Variants in EEF1AKMT1 observed in about 807,000 individuals in gnomAD.
The protein encoded by EEF1AKMT1 is N-6 adenine-specific DNA methyltransferase 2 (putative).
EEF1AKMT1 carries 18 observed loss-of-function variants against 21.0 expected under a neutral mutation model. That is an observed-to-expected ratio of 0.86 (90% CI 0.59 to 1.27). The LOEUF (loss-of-function observed/expected upper bound fraction) is 1.27, where lower values mean the gene tolerates loss of function less well. Ranked by LOEUF, EEF1AKMT1 falls within the 50% of genes most tolerant of loss-of-function variation. The pLI is 0.00. For synonymous variants in EEF1AKMT1, 109 were observed against 94.8 expected, an observed-to-expected ratio of 1.15 and a Z score of -0.87; for missense variants, 246 against 258.6, an observed-to-expected ratio of 0.95 and a Z score of 0.33.
chr13:20,728,921 G>T lies in EEF1AKMT1; in HGVS notation c.*159C>A. 1 of 928,700 alleles carries T rather than the reference G, an allele frequency of 1.1e-6. No homozygotes were observed. The highest frequency in any genetic ancestry group is 1.6e-6 in the Non-Finnish European group (1 of 616,382). 57.5% of individuals were successfully genotyped at this position (928,700 alleles called of 1,614,324 possible). On this transcript the variant is annotated 3_prime_UTR_variant, in exon 5 of 5. Transcript: ENST00000382758. ...GAGCTCTAGGGACGCCCTCCCTAAG[G>T]AAACAATAATGAAGATCGCACACTT...
At position 20,765,419 on chromosome 13, in the gene EEF1AKMT1, T is replaced by TTTTG. The variant is rs2059024823; in HGVS notation, c.-19-7803_-19-7802insCAAA. On this transcript the variant is annotated intron_variant, in intron 1 of 4. Coordinates refer to ENST00000382758, the MANE Select transcript of EEF1AKMT1 (RefSeq NM_001318939.2). ...TCTTCCCTTGGGTTTTTTTTTTTTTTTTTTTTTTTTTGAGATAGAGTTTCA... is the reference window on the plus strand; with the variant it reads ...TCTTCCCTTGGGTTTTTTTTTTTTTTTTTGTTTTTTTTTTTGAGATAGAGTTTCA... Among the ~76,000 whole-genome samples the TTTTG allele has an allele frequency of 6.8e-5, 9 of 131,772 alleles. No individual in the cohort carries two copies. The East Asian group carries it at 7.3e-4, about 11-fold the overall frequency. The allele number at this position is 131,772 out of a possible 152,430, so 86.4% of individuals were successfully genotyped here.
At chr13:20,765,285 AACTAAATCCTT>A (rs1212301707) in intron 1 of EEF1AKMT1, among the ~76,000 whole-genome samples, 1 of 151,888 alleles carries the variant, frequency 6.6e-6, no homozygotes, top group Non-Finnish European at 1.5e-5. Flanking sequence ...TAAAAATAAA[AACTAAATCCTT>A]ACTGATAAGC....
intron 1 of EEF1AKMT1, among the ~76,000 whole-genome samples, chr13:20,766,339 A>G (rs371039768): frequency 1.3e-5 from 2 of 151,720 alleles, no homozygotes. Flanking sequence ...GAAAAAGAAA[A>G]AAAGAAACAT....
intron 1 of EEF1AKMT1, among the ~76,000 whole-genome samples, chr13:20,760,091 C>T (rs1173199798): frequency 8.8e-6 from 1 of 113,118 alleles, no homozygotes; most frequent in Non-Finnish European, 1.7e-5. Flanking sequence ...GGGAACAGAG[C>T]GAGACTCTGT....
chr13:20,744,313 C>T (rs562188125), intron 2 of EEF1AKMT1, among the ~76,000 whole-genome samples: 26 of 152,292 alleles, frequency 1.7e-4, no homozygotes, highest in African/African-American at 4.6e-4. Flanking sequence ...AGTGTAAAAG[C>T]ATTCCTATTT....
At chr13:20,732,599 C>CT (rs1214400335) in intron 3 of EEF1AKMT1, among the ~76,000 whole-genome samples, 4 of 152,164 alleles carry the variant, frequency 2.6e-5, no homozygotes, top group Non-Finnish European at 4.4e-5. Flanking sequence ...TCCCAAAGTG[C>CT]TGGGATTACA....
At chr13:20,751,062 A>G (rs573240160) in intron 2 of EEF1AKMT1, among the ~76,000 whole-genome samples, 11 of 152,244 alleles carry the variant, frequency 7.2e-5, no homozygotes, top group African/African-American at 2.6e-4. Flanking sequence ...AGTTTCTTAT[A>G]TATTCTAGAT....
At chr13:20,744,639 T>C (rs1057335676) in intron 2 of EEF1AKMT1, among the ~76,000 whole-genome samples, 1 of 152,220 alleles carries the variant, frequency 6.6e-6, no homozygotes, top group Non-Finnish European at 1.5e-5. Context: ...TAGGCTGCTG[T>C]TCACTCTGAC....
intron 4 of EEF1AKMT1, among the ~76,000 whole-genome samples, chr13:20,731,351 AG>A (rs1392421748): frequency 6.6e-6 from 1 of 152,222 alleles, no homozygotes; most frequent in Non-Finnish European, 1.5e-5. Flanking sequence ...TGTAAGTTCC[AG>A]CTACTTGGGA....
rs2058773815 is a variant in EEF1AKMT1, at chr13:20,728,865, G to A, written c.*215C>T. 3.4e-6 allele frequency: 2 copies of A among 582,250 alleles called. No homozygotes were observed. The highest frequency in any genetic ancestry group is 2.1e-5 in the South Asian group (1 of 48,196). 36.1% of individuals were successfully genotyped at this position (582,250 alleles called of 1,614,324 possible). On this transcript the variant is annotated 3_prime_UTR_variant, in exon 5 of 5. Coordinates refer to ENST00000382758, the MANE Select transcript of EEF1AKMT1 (RefSeq NM_001318939.2). ...CAGATTCTAAGGTTTCTTCCAACTC[G>A]AATTCCATGGATTCAGGTTGGCAGA...
chr13:20,769,794 A>C (rs2059054080), intron 1 of EEF1AKMT1, among the ~76,000 whole-genome samples: 1 of 149,600 alleles, frequency 6.7e-6, no homozygotes, highest in Non-Finnish European at 1.5e-5. Flanking sequence ...CATTCAAAGG[A>C]AAAAAAAAAT....
At chr13:20,759,887 G>A (rs1453624689) in intron 1 of EEF1AKMT1, among the ~76,000 whole-genome samples, 2 of 152,060 alleles carry the variant, frequency 1.3e-5, no homozygotes, top group Admixed American at 1.3e-4. Flanking sequence ...AGTGGATCAC[G>A]AGGTCAGGAG....
At position 20,757,510 on chromosome 13, in the gene EEF1AKMT1, T is replaced by A. The variant is rs1229049928; in HGVS notation, c.89A>T (p.Gln30Leu). 6.2e-7 allele frequency: 1 copy of A among 1,614,204 alleles called. No individual in the cohort carries two copies. The change falls in exon 2 of 5, where the codon CAA (glutamine) becomes CTA (leucine). Residue 30 changes from glutamine (Q) to leucine (L), a missense_variant. Transcript: ENST00000382758. ...TTTATCATCCTCGCCTGGCTCAATT[T>A]GTTGCTTTTGCTCAGCATAAAATTC... ...LQEFYAEQKQQIEPGEDDKYN... is the reference protein window; with the variant it reads ...LQEFYAEQKQLIEPGEDDKYN...
intron 2 of EEF1AKMT1, among the ~76,000 whole-genome samples, chr13:20,748,725 G>GTT (rs1491496241): frequency 0.13 from 9,084 of 68,288 alleles, 545 homozygotes; most frequent in Non-Finnish European, 0.18. Context: ...GTTTTTTTTT[G>GTT]GTTTTTTTTT....
intron 3 of EEF1AKMT1, among the ~76,000 whole-genome samples, chr13:20,734,100 C>A (rs1388995309): frequency 6.6e-6 from 1 of 152,206 alleles, no homozygotes; most frequent in Non-Finnish European, 1.5e-5. Flanking sequence ...GGGATTATAG[C>A]CTCACTGTGC....
chr13:20,730,598 A>G (rs1251296694), intron 4 of EEF1AKMT1, among the ~76,000 whole-genome samples: 2 of 152,138 alleles, frequency 1.3e-5, no homozygotes, highest in Admixed American at 1.3e-4. Context: ...ACCTTCAGAG[A>G]TCAAGCAATC....
At chr13:20,748,433 CA>C (rs544169414) in intron 2 of EEF1AKMT1, among the ~76,000 whole-genome samples, 336 of 110,896 alleles carry the variant, frequency 3.0e-3, no homozygotes, top group Admixed American at 4.4e-3. Flanking sequence ...AGACTCCGTC[CA>C]AAAAAAAAAA....
chr13:20,737,523 T>C (rs1566528377), intron 3 of EEF1AKMT1, among the ~76,000 whole-genome samples, 200 bp downstream of exon 3: 1 of 152,206 alleles, frequency 6.6e-6, no homozygotes, highest in Non-Finnish European at 1.5e-5. Flanking sequence ...AAGGAAGAGA[T>C]AAGACATTCC....
chr13:20,756,519 C>T (rs947278630), intron 2 of EEF1AKMT1, among the ~76,000 whole-genome samples: 1 of 152,114 alleles, frequency 6.6e-6, no homozygotes, highest in Non-Finnish European at 1.5e-5. Context: ...CCATAAAAAC[C>T]GGTGGGGTGT....
Sources: allele counts gnomAD v4.1 joint callset (sites outside exome capture counted in the v4.1 genomes callset), GRCh38; gene constraint gnomAD v4.1.1; transcripts MANE v1.5; gene names NCBI Gene and HGNC (gene_info 2026-07-23, HGNC 2026-07-21).